Variants in STK3 observed in about 807,000 individuals in gnomAD.
The protein encoded by STK3 is serine/threonine-protein kinase 3.
A neutral mutation model predicts 58.0 loss-of-function variants in STK3; 41 were observed. That is an observed-to-expected ratio of 0.71 (90% CI 0.55 to 0.92). The LOEUF is 0.92. Ranked by LOEUF, STK3 falls within the 40% of genes least tolerant of loss-of-function variation. STK3 has a pLI of 0.00. For missense variants in STK3, 479 were observed against 602.7 expected (o/e 0.79, Z 2.15); for synonymous variants, 170 against 191.0 (o/e 0.89, Z 0.91).
At chr8:98,719,521 A>C (rs1384714692) in intron 4 of STK3, among the ~76,000 whole-genome samples, 1 of 152,208 alleles carries the variant, frequency 6.6e-6, no homozygotes, top group Non-Finnish European at 1.5e-5. Flanking sequence ...GGACAAATCC[A>C]CAGCAAGTCT....
intron 1 of STK3, among the ~76,000 whole-genome samples, chr8:98,441,122 A>G (rs1818679620): frequency 6.6e-6 from 1 of 152,224 alleles, no homozygotes; most frequent in African/African-American, 2.4e-5. Context: ...GATAGTTGAA[A>G]TCAAAGAAAT....
intron 6 of STK3, among the ~76,000 whole-genome samples, chr8:98,609,909 G>A (rs548031636): frequency 4.2e-4 from 63 of 150,636 alleles, no homozygotes; most frequent in Admixed American, 7.3e-4. Flanking sequence ...GCAGTGAGCC[G>A]AGATCAGAGA....
chr8:98,452,687 C>T (rs1322750073), downstream of STK3, among the ~76,000 whole-genome samples: 3 of 151,812 alleles, frequency 2.0e-5, no homozygotes, highest in African/African-American at 7.3e-5. Flanking sequence ...TCTTCTTAAA[C>T]TCATTAAAAT....
intron 3 of STK3, among the ~76,000 whole-genome samples, chr8:98,869,952 G>A (rs1267612839): frequency 1.3e-5 from 2 of 151,688 alleles, no homozygotes; most frequent in Non-Finnish European, 2.9e-5. Context: ...CCGTTAACTC[G>A]TCATTTACAT....
At chr8:98,775,201 C>T (rs1433925249) in intron 1 of STK3, among the ~76,000 whole-genome samples, 1 of 151,984 alleles carries the variant, frequency 6.6e-6, no homozygotes, top group Non-Finnish European at 1.5e-5. Context: ...ATCCATAATC[C>T]AAAAATCTGA....
At chr8:98,380,881 CTTCT>C (rs2131000567) in intron 1 of STK3, among the ~76,000 whole-genome samples, 1 of 148,456 alleles carries the variant, frequency 6.7e-6, no homozygotes, top group African/African-American at 2.5e-5. Context: ...GAAAGTCAAT[CTTCT>C]TTCTATCACA....
intron 1 of STK3, among the ~76,000 whole-genome samples, chr8:98,910,538 TG>T (rs1410262215): frequency 6.6e-6 from 1 of 152,234 alleles, no homozygotes; most frequent in Admixed American, 6.5e-5. Flanking sequence ...TGTAAGGACT[TG>T]AACATATGGT....
chr8:98,436,707 C>T (rs1699278520), intron 2 of STK3: 1 of 152,196 alleles, frequency 6.6e-6, no homozygotes, highest in African/African-American at 2.4e-5. Flanking sequence ...GAGCTCTTCA[C>T]AATGTAGATT....
intron 1 of STK3, among the ~76,000 whole-genome samples, chr8:98,793,471 G>A (rs777448742): frequency 2.0e-5 from 3 of 152,148 alleles, no homozygotes; most frequent in Admixed American, 6.5e-5. Flanking sequence ...CTGGGAGGTT[G>A]GAGCCGAAAT....
chr8:98,511,936 G>A (rs1824547388), intron 10 of STK3, among the ~76,000 whole-genome samples: 2 of 151,866 alleles, frequency 1.3e-5, no homozygotes, highest in African/African-American at 4.8e-5. Flanking sequence ...AAACTGAAGT[G>A]AAAAAAATCC....
chr8:98,660,029 C>T lies in STK3; in HGVS notation c.684+46438G>A, dbSNP rs554081611. On this transcript the variant is annotated intron_variant, in intron 6 of 10. Coordinates refer to ENST00000419617, the MANE Select transcript of STK3 (RefSeq NM_006281.4). ...ACTAAAAACAAAACCAAAAAATGAA[C>T]GAAGACGATGAATGGATAAACAAAA... Among the ~76,000 whole-genome samples the T allele has an allele frequency of 6.6e-5, 10 of 151,574 alleles. No homozygotes were observed. In the South Asian group the frequency reaches 2.1e-3, roughly 32 times the overall value.
intron 1 of STK3, among the ~76,000 whole-genome samples, chr8:98,911,395 T>C (rs2131981625): frequency 6.6e-6 from 1 of 152,218 alleles, no homozygotes; most frequent in South Asian, 2.1e-4. Context: ...TATTTATTTA[T>C]TTATTTATTT....
At chr8:98,775,954 A>C (rs1174955059) in intron 1 of STK3, among the ~76,000 whole-genome samples, 1 of 152,238 alleles carries the variant, frequency 6.6e-6, no homozygotes, top group Non-Finnish European at 1.5e-5. Flanking sequence ...TGATTGCAGA[A>C]ATTTAAGAAA....
intron 6 of STK3, among the ~76,000 whole-genome samples, chr8:98,602,630 G>A (rs1816445264): frequency 6.6e-6 from 1 of 152,198 alleles, no homozygotes; most frequent in Non-Finnish European, 1.5e-5. Flanking sequence ...TATACTGAGA[G>A]TGTTGATATA....
chr8:98,719,671 T>C (rs1827259905), intron 4 of STK3, among the ~76,000 whole-genome samples: 1 of 152,192 alleles, frequency 6.6e-6, no homozygotes, highest in African/African-American at 2.4e-5. Context: ...TAAATAAAAT[T>C]CTCACTCATT....
the STK3 span, among the ~76,000 whole-genome samples, chr8:98,354,032 C>T: frequency 1.3e-5 from 2 of 152,084 alleles, no homozygotes; most frequent in Non-Finnish European, 2.9e-5. Context: ...GCCTGTGTGC[C>T]CCCCTTCCCT....
At chr8:98,414,025 A>G (rs1322003522) in intron 3 of STK3, among the ~76,000 whole-genome samples, 2 of 152,220 alleles carry the variant, frequency 1.3e-5, no homozygotes, top group Admixed American at 1.3e-4. Flanking sequence ...ACACTTTGGG[A>G]GGCCACAGTG....
intron 1 of STK3, among the ~76,000 whole-genome samples, chr8:98,897,836 A>C (rs1453681017): frequency 6.6e-6 from 1 of 152,164 alleles, no homozygotes; most frequent in Non-Finnish European, 1.5e-5. Context: ...ATAATGAATA[A>C]ATGTTGACAA....
At chr8:98,644,923 A>T (rs1820287172) in intron 6 of STK3, among the ~76,000 whole-genome samples, 1 of 152,180 alleles carries the variant, frequency 6.6e-6, no homozygotes, top group East Asian at 1.9e-4. Flanking sequence ...CAGATGAGGA[A>T]TATGTCTGTT....
Sources: gnomAD v4.1 joint callset for allele counts (sites outside exome capture counted in the v4.1 genomes callset) on GRCh38, gnomAD v4.1.1 for gene constraint, MANE v1.5 for transcripts, NCBI Gene and HGNC (gene_info 2026-07-23, HGNC 2026-07-21) for gene names.